PIK3CB: variants seen among roughly 807,000 people sequenced by gnomAD.
PIK3CB encodes phosphatidylinositol-4,5-bisphosphate 3-kinase catalytic subunit beta.
PIK3CB carries 39 observed loss-of-function variants against 136.8 expected under a neutral mutation model. The ratio of observed to expected loss-of-function variants is 0.29; its 90% CI spans 0.22 to 0.37. The LOEUF (loss-of-function observed/expected upper bound fraction) is 0.37, where lower values mean the gene tolerates loss of function less well. Ranked by LOEUF, PIK3CB falls within the 10% of genes least tolerant of loss-of-function variation. PIK3CB has a pLI of 1.00. For missense variants in PIK3CB, 868 were observed against 1,275.4 expected, an observed-to-expected ratio of 0.68 and a Z score of 4.87; for synonymous variants, 428 against 436.6, an observed-to-expected ratio of 0.98 and a Z score of 0.25.
intron 1 of PIK3CB, among the ~76,000 whole-genome samples, chr3:138,821,873 C>T (rs996343365): frequency 2.3e-4 from 34 of 150,746 alleles, no homozygotes; most frequent in African/African-American, 7.8e-4. Flanking sequence ...ACAGCTTGGC[C>T]GGGTGCTTTG....
intron 10 of PIK3CB, among the ~76,000 whole-genome samples, chr3:138,709,134 C>A (rs144041028): frequency 1.3e-5 from 2 of 151,924 alleles, no homozygotes; most frequent in Admixed American, 6.6e-5. Flanking sequence ...AATTGATACA[C>A]GCTATTGAGG....
At chr3:138,824,559 C>A (rs1933697124) in intron 1 of PIK3CB, among the ~76,000 whole-genome samples, 1 of 151,902 alleles carries the variant, frequency 6.6e-6, no homozygotes, top group East Asian at 1.9e-4. Flanking sequence ...CTTTGGGAGG[C>A]CCAGGCAGGT....
chr3:138,710,024 A>C (rs753424593), intron 10 of PIK3CB, among the ~76,000 whole-genome samples: 18 of 28,332 alleles, frequency 6.4e-4, no homozygotes, highest in Non-Finnish European at 7.7e-4. Context: ...CAAAAAATAC[A>C]AAAAAAAAAA....
chr3:138,665,665 C>T (rs1455745713), intron 19 of PIK3CB, among the ~76,000 whole-genome samples: 2 of 152,196 alleles, frequency 1.3e-5, no homozygotes, highest in Admixed American at 6.5e-5. Flanking sequence ...ACTTGCCAGC[C>T]TCCAGCCATC....
At chr3:138,658,155 GA>G (rs2043223516) in intron 21 of PIK3CB, among the ~76,000 whole-genome samples, 1 of 152,104 alleles carries the variant, frequency 6.6e-6, no homozygotes, top group Non-Finnish European at 1.5e-5. Context: ...AACATAACAA[GA>G]AAAGAGTACA....
In PIK3CB at chr3:138,814,815, A is replaced by C. The variant is rs374786631; in HGVS notation, c.-121-18248T>G. Among the ~76,000 whole-genome samples the C allele has an allele frequency of 8.5e-5, 13 of 152,170 alleles. No individual in the cohort carries two copies. In the East Asian group the frequency reaches 2.5e-3, roughly 29 times the overall value. On this transcript the variant is annotated intron_variant, in intron 1 of 23. Coordinates refer to ENST00000674063, the MANE Select transcript of PIK3CB (RefSeq NM_006219.3). ...TCAGGAATTCTAGCCCAGCCTGGGC[A>C]ACATGGCAAAACCCCATCTCTACAA...
chr3:138,693,585 A>G (rs1405164868), intron 14 of PIK3CB, among the ~76,000 whole-genome samples: 1 of 151,618 alleles, frequency 6.6e-6, no homozygotes, highest in Admixed American at 6.6e-5. Flanking sequence ...TTTTTAGTAG[A>G]GATGGGGTTT....
intron 16 of PIK3CB, among the ~76,000 whole-genome samples, chr3:138,688,523 G>A (rs2043943406): frequency 6.9e-6 from 1 of 145,524 alleles, no homozygotes; most frequent in Non-Finnish European, 1.5e-5. Flanking sequence ...AAAAAAAAAG[G>A]GTGGGGCTGG....
In PIK3CB at chr3:138,671,218, G is replaced by C. The variant is rs551425742; in HGVS notation, c.2505-6015C>G. 4.6e-5 allele frequency among the ~76,000 whole-genome samples: 7 copies of C among 152,196 alleles called. No homozygotes were observed. The South Asian group carries it at 1.2e-3, about 27-fold the overall frequency. On this transcript the variant is annotated intron_variant, in intron 19 of 23. Transcript: ENST00000674063. Reference sequence around the variant, plus strand: ...ATAACATAGCCCCATAGATATGTAAGCCTATACGATATTACTTACGAGAAG... The same window carrying C: ...ATAACATAGCCCCATAGATATGTAACCCTATACGATATTACTTACGAGAAG...
chr3:138,665,734 A>G (rs1211811688), intron 19 of PIK3CB, among the ~76,000 whole-genome samples: 3 of 151,314 alleles, frequency 2.0e-5, no homozygotes, highest in Non-Finnish European at 4.4e-5. Flanking sequence ...ACGCCGGGCT[A>G]ATTTTTAAAA....
intron 14 of PIK3CB, among the ~76,000 whole-genome samples, chr3:138,694,348 T>C (rs1009827799): frequency 2.0e-5 from 3 of 152,224 alleles, no homozygotes; most frequent in South Asian, 2.1e-4. Context: ...TGCAGACTTG[T>C]ATTATCACAA....
intron 13 of PIK3CB, among the ~76,000 whole-genome samples, chr3:138,697,494 G>C (rs1365284674): frequency 6.6e-6 from 1 of 151,930 alleles, no homozygotes; most frequent in African/African-American, 2.4e-5. Context: ...AGAATACAAT[G>C]GCACAATCTT....
Position 138,653,332 on chromosome 3 carries a change from T to C in PIK3CB, c.*2057A>G, listed in dbSNP as rs538829852. ...TGAATACTGGCTCCATCAACTACTC[T>C]GTGACTATGGTCACGTTACTTAACC... On this transcript the variant is annotated 3_prime_UTR_variant, in exon 24 of 24. Coordinates refer to ENST00000674063, the MANE Select transcript of PIK3CB (RefSeq NM_006219.3). 120 of 175,742 alleles carry C rather than the reference T, an allele frequency of 6.8e-4. 1 individual carries two copies. Among genetic ancestry groups the C allele is most frequent in the African/African-American group, 2.7e-3 (116 of 42,308 alleles). The allele number at this position is 175,742 out of a possible 1,614,324, so 10.9% of individuals were successfully genotyped here. A position where few individuals can be genotyped will look rare whatever the true frequency, so the allele number is the denominator to read the frequency against.
At chr3:138,761,013 AGAT>A (rs1180019604) in intron 2 of PIK3CB, among the ~76,000 whole-genome samples, 1 of 152,258 alleles carries the variant, frequency 6.6e-6, no homozygotes, top group African/African-American at 2.4e-5. Flanking sequence ...ATGAACTAAC[AGAT>A]CTAGGCAATG....
intron 8 of PIK3CB, among the ~76,000 whole-genome samples, chr3:138,727,031 C>T (rs1002797590): frequency 1.3e-5 from 2 of 151,826 alleles, no homozygotes; most frequent in South Asian, 2.1e-4. Context: ...ACCTGGGTGA[C>T]GGAGCAAGAC....
At chr3:138,830,251 T>A (rs554351017) in intron 1 of PIK3CB, among the ~76,000 whole-genome samples, 3 of 152,110 alleles carry the variant, frequency 2.0e-5, no homozygotes, top group Non-Finnish European at 4.4e-5. Flanking sequence ...AGCCAAATTC[T>A]ATAAATAAAA....
At chr3:138,826,326 A>C in intron 1 of PIK3CB, 1 of 1,597,436 alleles carries the variant, frequency 6.3e-7, no homozygotes, top group Non-Finnish European at 8.5e-7. Context: ...AGAAGGCTAA[A>C]TGAATATTAT....
At chr3:138,657,462 T>C (rs969620602) in intron 22 of PIK3CB, 14 of 451,518 alleles carry the variant, frequency 3.1e-5, no homozygotes, top group African/African-American at 1.5e-4. Context: ...TAGTATATTA[T>C]TGGAATAAAA....
chr3:138,680,686 T>G (rs949022449), intron 19 of PIK3CB, among the ~76,000 whole-genome samples: 1 of 145,658 alleles, frequency 6.9e-6, no homozygotes, highest in Admixed American at 6.9e-5. Context: ...CCAGTTGTTC[T>G]TTTTTTTTTT....
Sources: allele counts gnomAD v4.1 joint callset (sites outside exome capture counted in the v4.1 genomes callset), GRCh38; gene constraint gnomAD v4.1.1; transcripts MANE v1.5; gene names NCBI Gene and HGNC (gene_info 2026-07-23, HGNC 2026-07-21).